CACNA2D3: variants seen among roughly 807,000 people sequenced by gnomAD.
CACNA2D3 encodes voltage-dependent calcium channel subunit alpha-2/delta-3.
In CACNA2D3, 60 loss-of-function variants were observed where a neutral mutation model predicts 160.6. The ratio of observed to expected loss-of-function variants is 0.37; its 90% CI spans 0.30 to 0.46. CACNA2D3 has a LOEUF of 0.46. CACNA2D3 is among the 20% of genes least tolerant of loss of function. The pLI is 1.00. For missense variants in CACNA2D3, 1,205 were observed against 1,365.0 expected (o/e 0.88, Z 1.85); for synonymous variants, 558 against 492.9 (o/e 1.13, Z -1.75).
intron 27 of CACNA2D3, among the ~76,000 whole-genome samples, chr3:54,958,064 G>T (rs1487969636): frequency 6.6e-6 from 1 of 152,244 alleles, no homozygotes; most frequent in Admixed American, 6.5e-5. Context: ...GTGCCTGCCT[G>T]TGCTGGTAGC....
At chr3:54,678,720 C>CAAAAAAAAAAAAAAAAAAAAAAAA (rs71096434) in intron 11 of CACNA2D3, among the ~76,000 whole-genome samples, 1 of 45,902 alleles carries the variant, frequency 2.2e-5, no homozygotes. Flanking sequence ...GACTCGGTCT[C>CAAAAAAAAAAAAAAAAAAAAAAAA]AAAAAAAAAA....
intron 27 of CACNA2D3, among the ~76,000 whole-genome samples, chr3:54,900,618 T>C (rs1700304564): frequency 6.6e-6 from 1 of 152,142 alleles, no homozygotes; most frequent in African/African-American, 2.4e-5. Flanking sequence ...CATTGGTTGA[T>C]GGGTGGGTGA....
intron 2 of CACNA2D3, among the ~76,000 whole-genome samples, chr3:54,313,995 C>A (rs953977864): frequency 2.6e-5 from 4 of 151,804 alleles, no homozygotes; most frequent in African/African-American, 9.7e-5. Flanking sequence ...GTGCACCCAT[C>A]ACCCAAGCAG....
At chr3:54,390,005 G>A (rs1228758436) in intron 4 of CACNA2D3, among the ~76,000 whole-genome samples, 1 of 152,206 alleles carries the variant, frequency 6.6e-6, no homozygotes, top group Non-Finnish European at 1.5e-5. Flanking sequence ...GGTTCAACAG[G>A]AAGGAGTGAT....
chr3:54,787,284 A>T (rs1702659805), intron 13 of CACNA2D3, among the ~76,000 whole-genome samples: 1 of 152,234 alleles, frequency 6.6e-6, no homozygotes, highest in Non-Finnish European at 1.5e-5. Flanking sequence ...GTTGAAATTC[A>T]TTGCTTCATA....
chr3:54,596,212 C>T (rs951882385), intron 9 of CACNA2D3, among the ~76,000 whole-genome samples: 2 of 152,078 alleles, frequency 1.3e-5, no homozygotes, highest in African/African-American at 2.4e-5. Flanking sequence ...CCAGTCCCCG[C>T]CCCCCATATC....
At chr3:55,048,192 A>T (rs1704104877) in intron 35 of CACNA2D3, among the ~76,000 whole-genome samples, 1 of 130,084 alleles carries the variant, frequency 7.7e-6, no homozygotes, top group Non-Finnish European at 1.7e-5. Flanking sequence ...TTTCAAAGGG[A>T]ATGCTTCCAG....
chr3:54,878,311 C>T (rs578244637), intron 18 of CACNA2D3, among the ~76,000 whole-genome samples: 9 of 152,156 alleles, frequency 5.9e-5, no homozygotes, highest in African/African-American at 9.6e-5. Context: ...GTGCCCATGA[C>T]GGCACATCTT....
intron 11 of CACNA2D3, among the ~76,000 whole-genome samples, chr3:54,669,994 A>G (rs1053156569): frequency 6.6e-6 from 1 of 152,132 alleles, no homozygotes; most frequent in African/African-American, 2.4e-5. Flanking sequence ...TTTCCATTGT[A>G]TTAATTCAGG....
chr3:54,274,149 A>G (rs1328614153), intron 2 of CACNA2D3, among the ~76,000 whole-genome samples: 2 of 152,128 alleles, frequency 1.3e-5, no homozygotes, highest in East Asian at 3.8e-4. Context: ...GTAAAGCAAT[A>G]TTTACAAACA....
intron 27 of CACNA2D3, among the ~76,000 whole-genome samples, chr3:54,950,086 A>G (rs917021869): frequency 1.3e-5 from 2 of 152,228 alleles, no homozygotes; most frequent in African/African-American, 4.8e-5. Context: ...GGCACCTGAA[A>G]AAAGGGCGAA....
At chr3:54,531,727 A>G (rs1197551971) in intron 5 of CACNA2D3, among the ~76,000 whole-genome samples, 2 of 152,182 alleles carry the variant, frequency 1.3e-5, no homozygotes, top group East Asian at 3.8e-4. Context: ...TTACTGAGAA[A>G]CTTGAATTGC....
intron 35 of CACNA2D3, among the ~76,000 whole-genome samples, chr3:55,019,296 C>T (rs1314229549): frequency 6.6e-6 from 1 of 151,728 alleles, no homozygotes; most frequent in East Asian, 1.9e-4. Context: ...CTTATTTATT[C>T]TTGGCTCTTT....
At chr3:54,787,568 G>A (rs967971117) in intron 13 of CACNA2D3, among the ~76,000 whole-genome samples, 3 of 152,104 alleles carry the variant, frequency 2.0e-5, no homozygotes, top group Admixed American at 6.5e-5. Context: ...GGGCCACACA[G>A]GAAAGAAGTG....
intron 3 of CACNA2D3, among the ~76,000 whole-genome samples, chr3:54,344,131 A>G (rs1040917132): frequency 6.6e-6 from 1 of 152,186 alleles, no homozygotes; most frequent in African/African-American, 2.4e-5. Context: ...CAGTCTACTT[A>G]TTATTAGGGA....
chr3:54,128,559 A>G (rs1699643747), intron 2 of CACNA2D3, among the ~76,000 whole-genome samples: 1 of 152,198 alleles, frequency 6.6e-6, no homozygotes, highest in South Asian at 2.1e-4. Context: ...CAGGCCTGTC[A>G]CAAATCCTGA....
At chr3:55,026,051 C>T (rs981296395) in intron 35 of CACNA2D3, among the ~76,000 whole-genome samples, 1 of 152,000 alleles carries the variant, frequency 6.6e-6, no homozygotes, top group Non-Finnish European at 1.5e-5. Context: ...CCTGCATAAC[C>T]AGCACCCTGG....
intron 2 of CACNA2D3, among the ~76,000 whole-genome samples, chr3:54,302,298 G>T (rs947533373): frequency 6.6e-6 from 1 of 152,206 alleles, no homozygotes; most frequent in Admixed American, 6.5e-5. Flanking sequence ...AAGTCTCTGT[G>T]TGGCTGCTAA....
intron 13 of CACNA2D3, among the ~76,000 whole-genome samples, chr3:54,771,968 A>G (rs1396712609): frequency 2.6e-5 from 4 of 151,984 alleles, no homozygotes; most frequent in Non-Finnish European, 5.9e-5. Context: ...TAGGATAGCT[A>G]TGTCCATTCT....
Sources: gnomAD v4.1 joint callset for allele counts (sites outside exome capture counted in the v4.1 genomes callset) on GRCh38, gnomAD v4.1.1 for gene constraint, MANE v1.5 for transcripts, NCBI Gene and HGNC (gene_info 2026-07-23, HGNC 2026-07-21) for gene names.